The following FGGY variants were observed in gnomAD, a reference collection of about 807,000 sequenced individuals.
FGGY encodes FGGY carbohydrate kinase domain containing, also known as FGGY carbohydrate kinase domain-containing protein.
FGGY carries 72 observed loss-of-function variants against 71.3 expected under a neutral mutation model. That is an observed-to-expected ratio of 1.01 (90% CI 0.84 to 1.23). The LOEUF is 1.23. Among genes scored for constraint, FGGY ranks in the 50% most tolerant of loss-of-function variants. The pLI is 0.00. For synonymous variants in FGGY, 251 were observed against 250.3 expected (o/e 1.00, Z -0.02); for missense variants, 668 against 682.3 (o/e 0.98, Z 0.23).
chr1:59,317,569 G>C (rs1227523702), intron 1 of FGGY, among the ~76,000 whole-genome samples: 2 of 152,224 alleles, frequency 1.3e-5, no homozygotes, highest in Non-Finnish European at 2.9e-5. Flanking sequence ...GGACGCAGCA[G>C]ATCATATTCA....
chr1:59,583,553 G>T (rs1200019853), intron 8 of FGGY, among the ~76,000 whole-genome samples: 2 of 142,602 alleles, frequency 1.4e-5, no homozygotes, highest in Non-Finnish European at 3.0e-5. Flanking sequence ...AGAAAACCTT[G>T]GTTGTTTAGA....
intron 4 of FGGY, among the ~76,000 whole-genome samples, chr1:59,363,162 C>T (rs1019813572): frequency 2.0e-5 from 3 of 152,106 alleles, no homozygotes; most frequent in Admixed American, 6.5e-5. Context: ...GAATTGAATT[C>T]GGCTAACAAT....
intron 11 of FGGY, among the ~76,000 whole-genome samples, chr1:59,652,495 C>A (rs549966857): frequency 6.9e-6 from 1 of 144,468 alleles, no homozygotes; most frequent in African/African-American, 2.6e-5. Context: ...TGCTTCATTT[C>A]ATTCATTTCA....
chr1:59,756,367 C>G (rs2098291234), intron 14 of FGGY, among the ~76,000 whole-genome samples: 1 of 152,212 alleles, frequency 6.6e-6, no homozygotes, highest in Non-Finnish European at 1.5e-5. Context: ...ACATGCTATC[C>G]TTGTGGAAGA....
intron 10 of FGGY, among the ~76,000 whole-genome samples, chr1:59,630,392 C>T (rs571784221): frequency 1.3e-5 from 2 of 152,238 alleles, no homozygotes; most frequent in Admixed American, 6.5e-5. Flanking sequence ...ACCTTGCCTG[C>T]CTTCTTATGG....
intron 14 of FGGY, among the ~76,000 whole-genome samples, chr1:59,702,921 T>C (rs925731594): frequency 2.0e-5 from 3 of 152,276 alleles, no homozygotes; most frequent in Admixed American, 6.5e-5. Context: ...TAATCTGCCA[T>C]ACACTTGGGA....
intron 5 of FGGY, among the ~76,000 whole-genome samples, chr1:59,399,288 C>G (rs77268804): frequency 6.6e-6 from 1 of 152,178 alleles, no homozygotes; most frequent in African/African-American, 2.4e-5. Context: ...TCGTCTTGGG[C>G]AATAACAGTA....
chr1:59,686,815 A>T (rs2097547675), intron 14 of FGGY, among the ~76,000 whole-genome samples: 1 of 152,130 alleles, frequency 6.6e-6, no homozygotes, highest in Non-Finnish European at 1.5e-5. Context: ...AAGCCTGCTT[A>T]CTCATTTGTA....
At chr1:59,371,831 G>C (rs927126097) in intron 4 of FGGY, among the ~76,000 whole-genome samples, 2 of 152,126 alleles carry the variant, frequency 1.3e-5, no homozygotes, top group African/African-American at 4.8e-5. Context: ...CGAAATGAAG[G>C]CAGAAATAAA....
At chr1:59,686,351 C>T (rs1450335401) in intron 14 of FGGY, among the ~76,000 whole-genome samples, 1 of 152,104 alleles carries the variant, frequency 6.6e-6, no homozygotes, top group Non-Finnish European at 1.5e-5. Context: ...ATGAAGCACC[C>T]GTCAATCGAG....
intron 7 of FGGY, among the ~76,000 whole-genome samples, chr1:59,517,367 G>A (rs911070016): frequency 4.2e-5 from 6 of 141,462 alleles, no homozygotes; most frequent in South Asian, 2.4e-4. Context: ...CCGGGTTCAC[G>A]CCATTCTCCT....
At chr1:59,720,919 C>T (rs1480702131) in intron 14 of FGGY, among the ~76,000 whole-genome samples, 1 of 152,170 alleles carries the variant, frequency 6.6e-6, no homozygotes, top group African/African-American at 2.4e-5. Flanking sequence ...CCAAACTGCC[C>T]CAGCAGGTCT....
At chr1:59,424,231 C>T (rs1394743444) in intron 5 of FGGY, among the ~76,000 whole-genome samples, 11 of 152,212 alleles carry the variant, frequency 7.2e-5, no homozygotes, top group Non-Finnish European at 1.5e-4. Flanking sequence ...CTTCACAGCC[C>T]ATTTGAGAAG....
intron 8 of FGGY, among the ~76,000 whole-genome samples, chr1:59,558,729 T>C (rs1032031813): frequency 2.0e-5 from 3 of 152,084 alleles, no homozygotes; most frequent in African/African-American, 7.2e-5. Context: ...GGGTGGGTTT[T>C]TTCCCCACCC....
intron 14 of FGGY, among the ~76,000 whole-genome samples, chr1:59,739,418 A>G (rs1475253980): frequency 6.6e-6 from 1 of 152,224 alleles, no homozygotes; most frequent in Non-Finnish European, 1.5e-5. Context: ...GTTCATTCAA[A>G]TAAGTTTTGT....
At chr1:59,515,441 T>A (rs2094618792) in intron 7 of FGGY, among the ~76,000 whole-genome samples, 1 of 152,128 alleles carries the variant, frequency 6.6e-6, no homozygotes, top group Non-Finnish European at 1.5e-5. Flanking sequence ...CTGAAATGAG[T>A]AAAGACTTTG....
At chr1:59,464,481 CAA>C (rs754114841) in intron 6 of FGGY, among the ~76,000 whole-genome samples, 2 of 152,118 alleles carry the variant, frequency 1.3e-5, no homozygotes, top group Non-Finnish European at 1.5e-5. Context: ...CAAACACATT[CAA>C]AAGATAGCAG....
At position 59,644,676 on chromosome 1, in the gene FGGY, C is replaced by T. The variant is rs559808965; in HGVS notation, c.1221+6301C>T. ...AAAGTAAGAAAATGACATGGTCACA[C>T]ATAAAGGTAGATGAATATAGGCCGG... On this transcript the variant is annotated intron_variant, in intron 11 of 15. Transcript: ENST00000303721. 9.3e-5 allele frequency among the ~76,000 whole-genome samples: 14 copies of T among 151,230 alleles called. No homozygotes were observed. The South Asian group carries it at 2.9e-3, about 32-fold the overall frequency.
chr1:59,710,567 C>G (rs192807864), intron 14 of FGGY, among the ~76,000 whole-genome samples: 76 of 152,220 alleles, frequency 5.0e-4, no homozygotes, highest in Non-Finnish European at 8.4e-4. Context: ...TGGCTAATAT[C>G]CAGAATTTAC....
Sources: allele counts gnomAD v4.1 joint callset (sites outside exome capture counted in the v4.1 genomes callset), GRCh38; gene constraint gnomAD v4.1.1; transcripts MANE v1.5; gene names NCBI Gene and HGNC (gene_info 2026-07-23, HGNC 2026-07-21).